SETBP1: variants seen among roughly 807,000 people sequenced by gnomAD.
The protein encoded by SETBP1 is SET-binding protein.
SETBP1 carries 9 observed loss-of-function variants against 101.0 expected under a neutral mutation model. The ratio of observed to expected loss-of-function variants is 0.09; its 90% CI spans 0.05 to 0.16. SETBP1 has a LOEUF of 0.16. Among genes scored for constraint, SETBP1 ranks in the 10% least tolerant of loss-of-function variants. The pLI is 1.00. For synonymous variants in SETBP1, 818 were observed against 788.5 expected (o/e 1.04, Z -0.63); for missense variants, 1,858 against 2,033.8 (o/e 0.91, Z 1.66).
At chr18:44,911,011 A>G (rs756972793) in intron 3 of SETBP1, among the ~76,000 whole-genome samples, 8 of 152,210 alleles carry the variant, frequency 5.3e-5, no homozygotes, top group Non-Finnish European at 1.0e-4. Flanking sequence ...GTGTATGTAC[A>G]TGCATTAGTG....
At chr18:44,868,712 GAGGA>G (rs67399583) in intron 2 of SETBP1, among the ~76,000 whole-genome samples, 2,304 of 27,664 alleles carry the variant, frequency 0.083, 111 homozygotes, top group East Asian at 0.21. Flanking sequence ...GGAAGGAAGG[GAGGA>G]AGGAAGGAAG....
intron 5 of SETBP1, among the ~76,000 whole-genome samples, chr18:45,044,160 G>A (rs1406333548): frequency 2.6e-5 from 4 of 152,162 alleles, no homozygotes; most frequent in African/African-American, 9.7e-5. Context: ...CAATTTGATA[G>A]GATTTGGAAC....
intron 1 of SETBP1, among the ~76,000 whole-genome samples, chr18:44,682,278 G>T (rs1409466545): frequency 2.0e-5 from 3 of 152,198 alleles, no homozygotes; most frequent in African/African-American, 7.2e-5. Flanking sequence ...GGGTAGAGAA[G>T]AGGTATTTGG....
intron 2 of SETBP1, among the ~76,000 whole-genome samples, chr18:44,712,223 T>C (rs183665668): frequency 6.6e-6 from 1 of 152,300 alleles, no homozygotes; most frequent in Non-Finnish European, 1.5e-5. Flanking sequence ...CACAAGTTTC[T>C]AGCCAGTTTC....
chr18:44,947,153 G>A (rs2071225621), intron 3 of SETBP1, among the ~76,000 whole-genome samples: 1 of 152,060 alleles, frequency 6.6e-6, no homozygotes, highest in African/African-American at 2.4e-5. Context: ...CTAAAACTAT[G>A]GTATGTGCAA....
chr18:44,955,294 A>G (rs1296912522), intron 4 of SETBP1, among the ~76,000 whole-genome samples: 2 of 152,094 alleles, frequency 1.3e-5, no homozygotes, highest in African/African-American at 2.4e-5. Context: ...GTCCCATCTC[A>G]TCTCATCTTC....
At chr18:44,841,609 G>A (rs2144527651) in intron 2 of SETBP1, among the ~76,000 whole-genome samples, 1 of 152,292 alleles carries the variant, frequency 6.6e-6, no homozygotes, top group East Asian at 1.9e-4. Flanking sequence ...CTAGTTCAGT[G>A]CCTCATCAAC....
At chr18:44,982,044 G>T (rs901893302) in intron 4 of SETBP1, among the ~76,000 whole-genome samples, 5 of 152,190 alleles carry the variant, frequency 3.3e-5, no homozygotes, top group African/African-American at 1.2e-4. Flanking sequence ...CCCATAAAGC[G>T]AAAGTTTGGG....
At chr18:44,849,790 A>G (rs1023919734) in intron 2 of SETBP1, among the ~76,000 whole-genome samples, 1 of 152,208 alleles carries the variant, frequency 6.6e-6, no homozygotes, top group Non-Finnish European at 1.5e-5. Flanking sequence ...TCAAAATGGA[A>G]TTACGGTGTC....
At chr18:44,939,291 ATC>A (rs2071033700) in intron 3 of SETBP1, among the ~76,000 whole-genome samples, 1 of 107,990 alleles carries the variant, frequency 9.3e-6, no homozygotes, top group Non-Finnish European at 2.1e-5. Flanking sequence ...TCTGACACCT[ATC>A]ATAATAGATT....
At chr18:44,756,125 G>C (rs943142027) in intron 2 of SETBP1, among the ~76,000 whole-genome samples, 2 of 151,950 alleles carry the variant, frequency 1.3e-5, no homozygotes, top group African/African-American at 4.8e-5. Context: ...GGTGAGGAGG[G>C]GGAATCACTT....
At chr18:44,976,596 T>G (rs2071993902) in intron 4 of SETBP1, among the ~76,000 whole-genome samples, 1 of 152,200 alleles carries the variant, frequency 6.6e-6, no homozygotes, top group Non-Finnish European at 1.5e-5. Context: ...GCAAAGATAC[T>G]GCTCAGGGCA....
chr18:44,880,457 G>T lies in SETBP1; in HGVS notation c.540+11174G>T, dbSNP rs1442051134. ...CCCGCCTTTGATATGTGTAGGAACA[G>T]AAATCCCAAAGTAAAGAACATGGGG... On this transcript the variant is annotated intron_variant, in intron 3 of 5. Coordinates refer to ENST00000649279, the MANE Select transcript of SETBP1 (RefSeq NM_015559.3). Among the ~76,000 whole-genome samples, 6 of 152,330 alleles carry T rather than the reference G, an allele frequency of 3.9e-5. No individual in the cohort carries two copies. In the South Asian group the frequency reaches 1.2e-3, roughly 32 times the overall value.
At chr18:44,787,872 A>AAAAAAAAAAAAAAAAAG (rs2071276570) in intron 2 of SETBP1, among the ~76,000 whole-genome samples, 1 of 128,450 alleles carries the variant, frequency 7.8e-6, no homozygotes, top group Non-Finnish European at 1.6e-5. Context: ...AAAAAAAAAA[A>AAAAAAAAAAAAAAAAAG]AAAAAAAAGA....
chr18:44,896,328 T>C (rs921108147), intron 3 of SETBP1, among the ~76,000 whole-genome samples: 1 of 152,228 alleles, frequency 6.6e-6, no homozygotes, highest in African/African-American at 2.4e-5. Context: ...TGAACATTTT[T>C]GATTTTCAGA....
rs145493916 is a variant in SETBP1, at chr18:44,827,170, A to T, written c.487-42060A>T. Among the ~76,000 whole-genome samples, 781 of 152,332 alleles carry T rather than the reference A, an allele frequency of 5.1e-3. 2 individuals carry two copies. The highest frequency in any genetic ancestry group is 0.018 in the African/African-American group (756 of 41,582). On this transcript the variant is annotated intron_variant, in intron 2 of 5. Coordinates refer to ENST00000649279, the MANE Select transcript of SETBP1 (RefSeq NM_015559.3). ...TTTTAAAGAAAAGAAACTTGTAAAAAAATGCTCTCCTAGATTCTATGGTAG... is the reference window on the plus strand; with the variant it reads ...TTTTAAAGAAAAGAAACTTGTAAAATAATGCTCTCCTAGATTCTATGGTAG...
At chr18:44,759,549 C>T (rs1029590242) in intron 2 of SETBP1, among the ~76,000 whole-genome samples, 2 of 152,154 alleles carry the variant, frequency 1.3e-5, no homozygotes, top group Admixed American at 6.5e-5. Context: ...CTTTCAGTTC[C>T]CTCCTCCATC....
At chr18:44,916,921 G>T (rs2070441941) in intron 3 of SETBP1, among the ~76,000 whole-genome samples, 1 of 152,176 alleles carries the variant, frequency 6.6e-6, no homozygotes, top group Non-Finnish European at 1.5e-5. Flanking sequence ...CCACCTCCCT[G>T]AACCTGGTAA....
intron 3 of SETBP1, among the ~76,000 whole-genome samples, chr18:44,888,306 G>A (rs560590667): frequency 1.8e-4 from 28 of 152,194 alleles, no homozygotes; most frequent in African/African-American, 5.5e-4. Flanking sequence ...TCCCTTCTTA[G>A]CATCTAGTAA....
Sources: gnomAD v4.1 joint callset for allele counts (sites outside exome capture counted in the v4.1 genomes callset) on GRCh38, gnomAD v4.1.1 for gene constraint, MANE v1.5 for transcripts, NCBI Gene and HGNC (gene_info 2026-07-23, HGNC 2026-07-21) for gene names.